SYNE2: variants seen among roughly 807,000 people sequenced by gnomAD.
SYNE2 encodes nesprin-2.
A neutral mutation model predicts 856.3 loss-of-function variants in SYNE2; 431 were observed. The observed-to-expected ratio is 0.50, with a 90% CI of 0.47 to 0.55. SYNE2 has a LOEUF of 0.55. Among genes scored for constraint, SYNE2 ranks in the 20% least tolerant of loss-of-function variants. The pLI is 0.00. For missense variants in SYNE2, 8,129 were observed against 8,023.2 expected (o/e 1.01, Z -0.50); for synonymous variants, 2,923 against 2,872.3 (o/e 1.02, Z -0.56).
At chr14:63,851,243 C>T (rs1484732625), upstream of SYNE2, among the ~76,000 whole-genome samples, 1 of 152,164 alleles carries the variant, frequency 6.6e-6, no homozygotes. Flanking sequence ...CGCCTGTAAT[C>T]CCAGCTACTT....
At chr14:64,097,093 A>G (rs536343491) in intron 61 of SYNE2, among the ~76,000 whole-genome samples, 4 of 152,236 alleles carry the variant, frequency 2.6e-5, no homozygotes, top group Non-Finnish European at 4.4e-5. Flanking sequence ...CTAAGAATCT[A>G]TAATCCTATA....
At chr14:64,166,933 G>A (rs2098383078) in intron 90 of SYNE2, 5 of 382,656 alleles carry the variant, frequency 1.3e-5, no homozygotes, top group Non-Finnish European at 9.8e-6. Context: ...ACTCCATTCC[G>A]AAAAATAAAA....
Position 64,225,406 on chromosome 14 carries a change from G to C in SYNE2, c.20604G>C (p.Leu6868=). ...ALPLQLLLLL[L]LLLACLLPSS... ...CCCTGCAGCTGCTCCTCCTGCTGCT[G>C]CTGCTCCTGGCCTGCCTGCTGCCCT... The change falls in exon 116 of 116, where the codon CTG becomes CTC. Residue 6868 remains leucine (L), a synonymous_variant. Coordinates refer to ENST00000555002, the MANE Select transcript of SYNE2 (RefSeq NM_182914.3). 1 of 1,614,054 alleles carries C rather than the reference G, an allele frequency of 6.2e-7. No homozygotes were observed. The highest frequency in any genetic ancestry group is 1.1e-5 in the South Asian group (1 of 91,076).
Position 64,052,836 on chromosome 14 carries a change from A to G in SYNE2, c.8923A>G (p.Lys2975Glu). Residue 2975 changes from lysine (K) to glutamate (E), a missense_variant, in exon 48 of 116, where the codon AAA (lysine) becomes GAA (glutamate). Physicochemically the swap from Lys to Glu is moderately conservative, Grantham distance 56 (BLOSUM62 1). Around this residue, in one of 3 missense-constraint regions of SYNE2, gnomAD observed 5,410 missense variants for 5,284.8 expected, o/e 1.02. Transcript: ENST00000555002. The stretch of plus-strand genomic sequence containing the variant: ...ACTATTACTTAATCAAGAAGTAAAT[A>G]AAGGTGTTAAAGAGGAGATCTATAA... ...NELLLNQEVNKGVKEEIYNLK... is the reference protein window; with the variant it reads ...NELLLNQEVNEGVKEEIYNLK... 1 of 1,613,556 alleles carries G rather than the reference A, an allele frequency of 6.2e-7. No homozygotes were observed. The highest frequency in any genetic ancestry group is 8.5e-7 in the Non-Finnish European group (1 of 1,179,900).
chr14:64,221,784 C>T, intron 112 of SYNE2, 80 bp downstream of exon 112: 1 of 1,534,116 alleles, frequency 6.5e-7, no homozygotes, highest in Non-Finnish European at 9.0e-7. Context: ...GTAGCCTCGC[C>T]TAGTATTTCA....
At chr14:64,078,428 A>G (rs1378302235) in intron 54 of SYNE2, 38 bp from the exon 55 acceptor site, 6 of 1,611,236 alleles carry the variant, frequency 3.7e-6, no homozygotes, top group Admixed American at 1.7e-5. Context: ...AGTGCAGACA[A>G]CCTCTCTAAG....
Position 63,987,573 on chromosome 14 carries a change from A to G in SYNE2, c.2313+956A>G, listed in dbSNP as rs183023411. Among the ~76,000 whole-genome samples the G allele has an allele frequency of 5.1e-4, 78 of 152,270 alleles. 1 individual carries two copies. The highest frequency in any genetic ancestry group is 4.8e-3 in the Admixed American group (74 of 15,296). The stretch of plus-strand genomic sequence containing the variant: ...CATTTATATAATTTTTTAAGCCTAC[A>G]TTTCTGAAAGGTGTATATTTCAGCA... On this transcript the variant is annotated intron_variant, in intron 19 of 115. Coordinates refer to ENST00000555002, the MANE Select transcript of SYNE2 (RefSeq NM_182914.3).
chr14:64,181,323 G>A (rs187596085), intron 96 of SYNE2, among the ~76,000 whole-genome samples: 175 of 152,270 alleles, frequency 1.1e-3, no homozygotes, highest in African/African-American at 3.9e-3. Flanking sequence ...TACCTCATTA[G>A]GCTTAGAGCA....
Position 64,121,939 on chromosome 14 carries a change from C to G in SYNE2, c.13159-73C>G, listed in dbSNP as rs192663619. 1.7e-4 allele frequency: 269 copies of G among 1,591,840 alleles called. No individual in the cohort carries two copies. The African/African-American group carries it at 3.5e-3, about 21-fold the overall frequency. On this transcript the variant is annotated intron_variant, in intron 68 of 115. Coordinates refer to ENST00000555002, the MANE Select transcript of SYNE2 (RefSeq NM_182914.3). ...AACTGGCTCAAAATTAGATTTATCT[C>G]AGCAGAGGAAACTAGTGGGTACTAA... is the stretch of plus-strand genomic sequence containing the variant.
At chr14:63,895,781 A>AAAAAAC (rs2095242358) in intron 1 of SYNE2, among the ~76,000 whole-genome samples, 1 of 150,878 alleles carries the variant, frequency 6.6e-6, no homozygotes, top group African/African-American at 2.4e-5. Context: ...TCTCCAAAAA[A>AAAAAAC]AAAAAAAAAA....
intron 42 of SYNE2, 78 bp from the exon 43 acceptor site, chr14:64,027,404 ATG>A: frequency 1.1e-5 from 9 of 847,038 alleles, no homozygotes; most frequent in Non-Finnish European, 1.7e-5. Flanking sequence ...GTTTATTAGG[ATG>A]TGTGTTACAT....
chr14:64,138,050 G>A (rs1432491623), intron 79 of SYNE2, 67 bp downstream of exon 79: 1 of 1,548,534 alleles, frequency 6.5e-7, no homozygotes, highest in Non-Finnish European at 8.7e-7. Context: ...GGATTCTGTA[G>A]TCAACTAAAT....
rs973968214 is a variant in SYNE2 at position 64,225,097 on chromosome 14, C to G, written c.20516+52C>G. 9 of 1,600,804 alleles carry G rather than the reference C, an allele frequency of 5.6e-6. No individual in the cohort carries two copies. In the African/African-American group the frequency reaches 1.2e-4, roughly 21 times the overall value. ...TGCGTTCCCCTGCTCCACACTCCCA[C>G]TGACTCAGTCTTGCCAATGCCACTA... On this transcript the variant is annotated intron_variant, in intron 115 of 115. Transcript: ENST00000555002.
At chr14:63,839,248 C>T (rs1362578112) in intron 1 of SYNE2, among the ~76,000 whole-genome samples, 2 of 151,888 alleles carry the variant, frequency 1.3e-5, no homozygotes, top group African/African-American at 2.4e-5. Flanking sequence ...CCAGGATGTT[C>T]TCCATCTCCT....
At chr14:64,175,703 C>G (rs747517336) in intron 95 of SYNE2, among the ~76,000 whole-genome samples, 1 of 152,092 alleles carries the variant, frequency 6.6e-6, no homozygotes, top group Non-Finnish European at 1.5e-5. Flanking sequence ...CTCTTAATGT[C>G]AAACTGTCTA....
intron 83 of SYNE2, 101 bp downstream of exon 83, chr14:64,144,049 C>A (rs1411183430): frequency 1.4e-6 from 2 of 1,388,876 alleles, no homozygotes; most frequent in Non-Finnish European, 2.0e-6. Context: ...GATTATTAAG[C>A]CTAATAATCA....
chr14:64,168,145 C>G (rs574140238), intron 92 of SYNE2, among the ~76,000 whole-genome samples: 32 of 152,208 alleles, frequency 2.1e-4, no homozygotes, highest in African/African-American at 7.5e-4. Flanking sequence ...CCTCTGTCAC[C>G]CAGGCTGGAG....
intron 7 of SYNE2, among the ~76,000 whole-genome samples, chr14:63,952,945 G>T (rs1030270812): frequency 1.3e-5 from 2 of 152,118 alleles, no homozygotes; most frequent in African/African-American, 4.8e-5. Context: ...CCCAAGTGTT[G>T]CAGACAACTG....
At chr14:63,879,570 C>CTAGA (rs2094810846) in intron 1 of SYNE2, among the ~76,000 whole-genome samples, 1 of 152,224 alleles carries the variant, frequency 6.6e-6, no homozygotes, top group South Asian at 2.1e-4. Context: ...GAAAGCCGAT[C>CTAGA]TGGCTGACTG....
Sources: allele counts gnomAD v4.1 joint callset (sites outside exome capture counted in the v4.1 genomes callset), GRCh38; gene constraint gnomAD v4.1.1; regional missense constraint gnomAD v4.1.1; transcripts MANE v1.5; gene names NCBI Gene and HGNC (gene_info 2026-07-23, HGNC 2026-07-21).